Variants in ADAM28 observed in about 807,000 individuals in gnomAD.
The protein encoded by ADAM28 is disintegrin and metalloproteinase domain-containing protein 28.
A neutral mutation model predicts 101.2 loss-of-function variants in ADAM28; 105 were observed. That is an observed-to-expected ratio of 1.04 (90% CI 0.89 to 1.22). The LOEUF is 1.22. Ranked by LOEUF, ADAM28 falls within the 50% of genes most tolerant of loss-of-function variation. The pLI, the probability that ADAM28 is intolerant of heterozygous loss-of-function variation, is 0.00. For missense variants in ADAM28, 1,028 were observed against 945.4 expected (o/e 1.09, Z -1.15); for synonymous variants, 322 against 310.6 (o/e 1.04, Z -0.39).
chr8:24,343,257 G>A (rs1224165331), intron 17 of ADAM28, 76 bp downstream of exon 17: 1 of 1,526,850 alleles, frequency 6.5e-7, no homozygotes, highest in Non-Finnish European at 9.0e-7. Flanking sequence ...AAAGCTAAAG[G>A]AATATTTTCA....
intron 2 of ADAM28, chr8:24,308,768 A>C (rs923173568): frequency 2.2e-6 from 1 of 452,116 alleles, no homozygotes; most frequent in Non-Finnish European, 4.4e-6. Context: ...ATTTAAGCAA[A>C]GTATGGACTG....
chr8:24,308,751 A>C, intron 2 of ADAM28: 1 of 455,132 alleles, frequency 2.2e-6, no homozygotes, highest in Non-Finnish European at 4.4e-6. Context: ...GACCTCAACA[A>C]CTGAGGATTT....
chr8:24,302,301 T>C (rs934179374), intron 2 of ADAM28, among the ~76,000 whole-genome samples: 5 of 152,232 alleles, frequency 3.3e-5, no homozygotes, highest in African/African-American at 1.2e-4. Context: ...TAGTATTCCA[T>C]GGTGTATATG....
intron 4 of ADAM28, among the ~76,000 whole-genome samples, chr8:24,310,802 A>G (rs190100730): frequency 2.0e-5 from 3 of 152,172 alleles, no homozygotes; most frequent in Admixed American, 6.5e-5. Flanking sequence ...ATGGGTCAAC[A>G]CCTCATCTGT....
intron 6 of ADAM28, 37 bp from the exon 7 acceptor site, chr8:24,320,199 C>A: frequency 7.0e-7 from 1 of 1,437,202 alleles, no homozygotes; most frequent in Non-Finnish European, 9.7e-7. Flanking sequence ...TTGCAGAAAA[C>A]AATATTGTAT....
At position 24,294,078 on chromosome 8, in the gene ADAM28, G is replaced by C; in HGVS notation, c.-72G>C. 10 of 1,505,686 alleles carry C rather than the reference G, an allele frequency of 6.6e-6. No individual in the cohort carries two copies. Among genetic ancestry groups the C allele is most frequent in the Non-Finnish European group, 9.2e-6 (10 of 1,082,118 alleles). 93.3% of individuals were successfully genotyped at this position (1,505,686 alleles called of 1,614,324 possible). A position where few individuals can be genotyped will look rare whatever the true frequency, so the allele number is the denominator to read the frequency against. ...AGTTTCATTCTGTCTCACTGGAGAG[G>C]AGGCAGGGACAGACCCAGCAGCACC... On this transcript the variant is annotated 5_prime_UTR_variant, in exon 1 of 23. Coordinates refer to ENST00000265769, the MANE Select transcript of ADAM28 (RefSeq NM_014265.6).
At chr8:24,297,552 T>G (rs909307211) in intron 1 of ADAM28, among the ~76,000 whole-genome samples, 1 of 152,230 alleles carries the variant, frequency 6.6e-6, no homozygotes, top group African/African-American at 2.4e-5. Flanking sequence ...AATATAGCAT[T>G]TAAAAAGATT....
chr8:24,313,616 G>T (rs777401958), intron 6 of ADAM28, 36 bp downstream of exon 6: 6 of 1,596,174 alleles, frequency 3.8e-6, no homozygotes, highest in Non-Finnish European at 4.3e-6. Context: ...ATGCTCTCAT[G>T]TATTCTGCCC....
chr8:24,300,050 A>C lies in ADAM28; in HGVS notation c.123A>C (p.Lys41Asn). Residue 41 changes from lysine (K) to asparagine (N), a missense_variant, in exon 2 of 23, where the codon AAA becomes AAC. Physicochemically the swap from Lys to Asn is moderately conservative, Grantham distance 94. Transcript: ENST00000265769. Reference protein sequence around the residue: ...VYPIRLHPLHKREAKEPEQQE... With the variant: ...VYPIRLHPLHNREAKEPEQQE... ...CTATAAGACTTCATCCACTGCATAA[A>C]AGAGAGGCCAAAGAGCCAGAGCAAC... is the stretch of plus-strand genomic sequence containing the variant. The C allele has an allele frequency of 6.2e-7, 1 of 1,613,732 alleles. No homozygotes were observed. The highest frequency in any genetic ancestry group is 1.1e-5 in the South Asian group (1 of 91,072).
chr8:24,356,032 A>AGAT lies in ADAM28; in HGVS notation c.*1629_*1631dup. 1 of 152,292 alleles carries AGAT rather than the reference A, an allele frequency of 6.6e-6. No homozygotes were observed. The highest frequency in any genetic ancestry group is 1.9e-4 in the East Asian group (1 of 5,168). 9.4% of individuals were successfully genotyped at this position (152,292 alleles called of 1,614,324 possible). On this transcript the variant is annotated 3_prime_UTR_variant, in exon 23 of 23. Transcript: ENST00000265769. ...ATTTACCCTTGCAGTATGAGGTTCT[A>AGAT]GATAAGCCCACTCTGGCCTCAAAAG... is the stretch of plus-strand genomic sequence containing the variant.
intron 1 of ADAM28, chr8:24,295,904 C>T (rs1164888343): frequency 1.3e-5 from 2 of 152,058 alleles, no homozygotes; most frequent in African/African-American, 2.4e-5. Flanking sequence ...TGTTCTCTGC[C>T]CCCATCATCA....
chr8:24,353,487 G>T (rs1489171106), intron 21 of ADAM28, among the ~76,000 whole-genome samples: 1 of 152,082 alleles, frequency 6.6e-6, no homozygotes, highest in African/African-American at 2.4e-5. Context: ...ATATAAAAAT[G>T]GAGCACTTAA....
intron 17 of ADAM28, 106 bp downstream of exon 17, chr8:24,343,287 A>G (rs1053288201): frequency 1.4e-6 from 2 of 1,383,898 alleles, no homozygotes; most frequent in East Asian, 2.4e-5. Flanking sequence ...GATGATAATT[A>G]CTAAGTTTAT....
At chr8:24,348,332 C>T (rs1815664158) in intron 18 of ADAM28, among the ~76,000 whole-genome samples, 1 of 152,162 alleles carries the variant, frequency 6.6e-6, no homozygotes, top group Non-Finnish European at 1.5e-5. Flanking sequence ...TCCTGAACAG[C>T]TTCCCTCACC....
chr8:24,319,348 CT>C (rs1199839992), intron 6 of ADAM28, among the ~76,000 whole-genome samples: 1 of 151,994 alleles, frequency 6.6e-6, no homozygotes. Flanking sequence ...TGGCCACCAT[CT>C]GATATGTTTA....
In ADAM28 at chr8:24,354,502, G is replaced by T; in HGVS notation, c.*98G>T. The T allele has an allele frequency of 1.4e-6, 2 of 1,393,232 alleles. No individual in the cohort carries two copies. Among genetic ancestry groups the T allele is most frequent in the South Asian group, 2.7e-5 (2 of 73,292 alleles). The allele number at this position is 1,393,232 out of a possible 1,614,324, so 86.3% of individuals were successfully genotyped here. A position where few individuals can be genotyped will look rare whatever the true frequency, so the allele number is the denominator to read the frequency against. On this transcript the variant is annotated 3_prime_UTR_variant, in exon 23 of 23. Coordinates refer to ENST00000265769, the MANE Select transcript of ADAM28 (RefSeq NM_014265.6). Reference sequence around the variant, plus strand: ...TATACTATCTATCTCACCAGTATTTGCTCTCGACTCAAGAAGGTTAACATT... The same window carrying T: ...TATACTATCTATCTCACCAGTATTTTCTCTCGACTCAAGAAGGTTAACATT...
At chr8:24,308,840 C>G in intron 2 of ADAM28, 1 of 375,906 alleles carries the variant, frequency 2.7e-6, no homozygotes, top group Non-Finnish European at 5.3e-6. Context: ...ATGATTCTAA[C>G]ATGCCTTGTC....
intron 2 of ADAM28, among the ~76,000 whole-genome samples, chr8:24,302,162 C>T (rs1454544677): frequency 6.6e-6 from 1 of 152,064 alleles, no homozygotes; most frequent in African/African-American, 2.4e-5. Flanking sequence ...CATTGTTCAG[C>T]TCTGAATTAT....
intron 2 of ADAM28, among the ~76,000 whole-genome samples, chr8:24,301,455 T>A (rs1808759397): frequency 6.6e-6 from 1 of 152,162 alleles, no homozygotes; most frequent in African/African-American, 2.4e-5. Flanking sequence ...GGCACAGGTA[T>A]CCCCTGAATC....
Sources: gnomAD v4.1 joint callset for allele counts (sites outside exome capture counted in the v4.1 genomes callset) on GRCh38, gnomAD v4.1.1 for gene constraint, MANE v1.5 for transcripts, NCBI Gene and HGNC (gene_info 2026-07-23, HGNC 2026-07-21) for gene names.